SLC25A26: variants seen among roughly 807,000 people sequenced by gnomAD.
SLC25A26 encodes the protein mitochondrial S-adenosylmethionine carrier protein.
SLC25A26 carries 36 observed loss-of-function variants against 37.8 expected under a neutral mutation model. That is an observed-to-expected ratio of 0.95 (90% confidence interval 0.73 to 1.26). The LOEUF (loss-of-function observed/expected upper bound fraction) is 1.26. Ranked by LOEUF, SLC25A26 falls within the 50% of genes most tolerant of loss-of-function variation. The probability of loss-of-function intolerance (pLI) is 0.00; values close to 1 mark genes in which losing one functional copy is unlikely to be tolerated. For synonymous variants in SLC25A26, 129 were observed against 122.5 expected (o/e 1.05, Z -0.35); for missense variants, 390 against 331.1 (o/e 1.18, Z -1.38).
intron 1 of SLC25A26, among the ~76,000 whole-genome samples, chr3:66,159,720 CT>C (rs1175848331): frequency 1.3e-5 from 2 of 152,190 alleles, no homozygotes; most frequent in Non-Finnish European, 2.9e-5. Context: ...CCTGATAGAT[CT>C]TTTGGTGTTT....
chr3:66,294,686 A>G (rs1021476828), intron 5 of SLC25A26, among the ~76,000 whole-genome samples: 12 of 152,212 alleles, frequency 7.9e-5, no homozygotes, highest in South Asian at 4.1e-4. Context: ...CATTAAATAG[A>G]ACTTTTAAAA....
chr3:66,299,476 C>T (rs2075008529), intron 5 of SLC25A26, among the ~76,000 whole-genome samples: 1 of 152,180 alleles, frequency 6.6e-6, no homozygotes, highest in South Asian at 2.1e-4. Flanking sequence ...AAGTGTGAGC[C>T]GATGTGCTTG....
rs143726402 is a variant in SLC25A26 at position 66,228,159 on chromosome 3, C to T, written c.33+7032C>T. ...CAAGTATATTCCAAATTTTGCTCAG[C>T]CCGTGGAGCATGCAAAGCACTGCTT... On this transcript the variant is annotated intron_variant, in intron 1 of 9. Transcript: ENST00000354883. Among the ~76,000 whole-genome samples the T allele has an allele frequency of 4.4e-3, 672 of 152,316 alleles. 4 individuals carry two copies. The highest frequency in any genetic ancestry group is 0.015 in the African/African-American group (622 of 41,566).
intron 5 of SLC25A26, among the ~76,000 whole-genome samples, chr3:66,270,866 C>G (rs555369479): frequency 6.6e-6 from 1 of 152,144 alleles, no homozygotes; most frequent in Admixed American, 6.5e-5. Flanking sequence ...TCTCATGTTT[C>G]GTTTACATGA....
intron 1 of SLC25A26, among the ~76,000 whole-genome samples, chr3:66,155,782 C>A (rs2070274226): frequency 6.6e-6 from 1 of 152,150 alleles, no homozygotes; most frequent in Non-Finnish European, 1.5e-5. Flanking sequence ...CCCAGACTCT[C>A]TCGCTCTCTC....
intron 3 of SLC25A26, among the ~76,000 whole-genome samples, chr3:66,255,759 A>G (rs1356532801): frequency 6.6e-6 from 1 of 152,212 alleles, no homozygotes; most frequent in Non-Finnish European, 1.5e-5. Flanking sequence ...TTGTAGCTCA[A>G]ATTCAAATCT....
At chr3:66,251,892 T>G (rs192866466) in intron 3 of SLC25A26, among the ~76,000 whole-genome samples, 1 of 152,222 alleles carries the variant, frequency 6.6e-6, no homozygotes, top group Non-Finnish European at 1.5e-5. Flanking sequence ...TTTCATTGAT[T>G]TTTTTATTTA....
chr3:66,147,382 C>T (rs939668394), intron 1 of SLC25A26, among the ~76,000 whole-genome samples: 3 of 151,256 alleles, frequency 2.0e-5, no homozygotes, highest in East Asian at 2.0e-4. Flanking sequence ...AGGCTGGTCT[C>T]GAACTCCTGG....
chr3:66,224,890 A>G (rs973320586), intron 1 of SLC25A26, among the ~76,000 whole-genome samples: 4 of 152,242 alleles, frequency 2.6e-5, no homozygotes, highest in African/African-American at 9.6e-5. Context: ...CTGAAATCCA[A>G]CAGGGTAGTC....
chr3:66,260,104 A>G (rs142923689), intron 3 of SLC25A26, among the ~76,000 whole-genome samples: 40 of 152,210 alleles, frequency 2.6e-4, no homozygotes, highest in Non-Finnish European at 4.9e-4. Context: ...AGAAGGTTCT[A>G]TAATGGTGTA....
chr3:66,194,889 C>T (rs1245842692), intron 1 of SLC25A26, among the ~76,000 whole-genome samples: 1 of 152,208 alleles, frequency 6.6e-6, no homozygotes, highest in Admixed American at 6.5e-5. Flanking sequence ...GCGTGAGACA[C>T]CGCGCCGGGC....
intron 6 of SLC25A26, among the ~76,000 whole-genome samples, chr3:66,357,029 G>A (rs1203127472): frequency 6.6e-6 from 1 of 152,128 alleles, no homozygotes; most frequent in Non-Finnish European, 1.5e-5. Flanking sequence ...CCTGTATTAA[G>A]GAAGCTTTAC....
chr3:66,140,167 T>C (rs1025859418), intron 1 of SLC25A26, among the ~76,000 whole-genome samples: 1 of 152,244 alleles, frequency 6.6e-6, no homozygotes. Context: ...TCCATGCCTA[T>C]GTATTAACAC....
At chr3:66,196,069 A>G (rs1279061432) in intron 1 of SLC25A26, among the ~76,000 whole-genome samples, 1 of 152,232 alleles carries the variant, frequency 6.6e-6, no homozygotes, top group Non-Finnish European at 1.5e-5. Flanking sequence ...CTCTGCATAG[A>G]CTTTTATCTC....
intron 1 of SLC25A26, among the ~76,000 whole-genome samples, chr3:66,194,307 T>G (rs1178179270): frequency 6.6e-6 from 1 of 152,196 alleles, no homozygotes; most frequent in Non-Finnish European, 1.5e-5. Flanking sequence ...CCATGCTGGG[T>G]TGGGGGTTGA....
chr3:66,278,613 C>T (rs1008868954), intron 5 of SLC25A26, among the ~76,000 whole-genome samples: 1 of 152,138 alleles, frequency 6.6e-6, no homozygotes, highest in Non-Finnish European at 1.5e-5. Context: ...CCAACCCTGT[C>T]TCATCCTAGC....
At chr3:66,369,442 A>G (rs1288064226) in intron 7 of SLC25A26, 36 bp from the exon 8 acceptor site, 3 of 1,563,596 alleles carry the variant, frequency 1.9e-6, no homozygotes, top group Non-Finnish European at 2.6e-6. Flanking sequence ...TACAGTAAAC[A>G]GGATCTCACT....
chr3:66,205,722 C>T (rs1401810347), intron 1 of SLC25A26, among the ~76,000 whole-genome samples: 3 of 152,130 alleles, frequency 2.0e-5, no homozygotes, highest in Admixed American at 2.0e-4. Flanking sequence ...AGCCCCTTGA[C>T]CCTGTGGAAG....
At chr3:66,352,569 CAT>C (rs1306828776) in intron 6 of SLC25A26, among the ~76,000 whole-genome samples, 2 of 148,962 alleles carry the variant, frequency 1.3e-5, no homozygotes, top group African/African-American at 5.0e-5. Context: ...TGATTTTTTT[CAT>C]ATTTTTGAAA....
Sources: gnomAD v4.1 joint callset for allele counts (sites outside exome capture counted in the v4.1 genomes callset) on GRCh38, gnomAD v4.1.1 for gene constraint, MANE v1.5 for transcripts, NCBI Gene and HGNC (gene_info 2026-07-23, HGNC 2026-07-21) for gene names.